The following ATM variants were observed in gnomAD, a reference collection of about 807,000 sequenced individuals.
ATM encodes ATM serine/threonine kinase.
Under a neutral mutation model 387.0 loss-of-function variants are expected in ATM, and 308 were observed. The observed-to-expected ratio is 0.80, with a 90% confidence interval of 0.73 to 0.87. The LOEUF is 0.87. Among genes scored for constraint, ATM ranks in the 40% least tolerant of loss-of-function variants. ATM has a pLI of 0.00. For missense variants in ATM, 3,312 were observed against 3,560.9 expected (o/e 0.93, Z 1.78); for synonymous variants, 1,156 against 1,187.3 (o/e 0.97, Z 0.54).
chr11:108,225,284 A>G (rs1012498035), intron 1 of ATM: 2 of 152,238 alleles, frequency 1.3e-5, no homozygotes, highest in Non-Finnish European at 2.9e-5. Context: ...AAATGATAAT[A>G]CTTGTCCACA....
At chr11:108,333,526 A>G (rs609655) in intron 53 of ATM, among the ~76,000 whole-genome samples, 51,153 of 152,116 alleles carry the variant, frequency 0.34, 9,625 homozygotes, top group East Asian at 0.55. Context: ...TAAGCAAACA[A>G]AAAGTATTGA....
chr11:108,328,275 C>A (rs1237282410), intron 48 of ATM, among the ~76,000 whole-genome samples: 2 of 152,086 alleles, frequency 1.3e-5, no homozygotes, highest in African/African-American at 4.8e-5. Context: ...GAGATGAAGT[C>A]TCTCTCTGTC....
chr11:108,361,109 C>A (rs2090691118), intron 61 of ATM, among the ~76,000 whole-genome samples: 1 of 133,988 alleles, frequency 7.5e-6, no homozygotes, highest in Admixed American at 8.1e-5. Context: ...TCTCAGGATA[C>A]AAAATCAATG....
chr11:108,341,160 ACC>A (rs1248728514), intron 56 of ATM, among the ~76,000 whole-genome samples: 2 of 151,864 alleles, frequency 1.3e-5, no homozygotes, highest in Admixed American at 6.6e-5. Context: ...AGTCATCTCC[ACC>A]TGACTTACCT....
intron 56 of ATM, among the ~76,000 whole-genome samples, chr11:108,340,937 G>A (rs1297980185): frequency 6.6e-6 from 1 of 152,076 alleles, no homozygotes; most frequent in African/African-American, 2.4e-5. Context: ...TTTTTATTGA[G>A]GTTTTTTTGG....
chr11:108,365,597 G>C lies in ATM; in HGVS notation c.*89G>C, dbSNP rs2091269819. 1 of 1,446,780 alleles carries C rather than the reference G, an allele frequency of 6.9e-7. No individual in the cohort carries two copies. The highest frequency in any genetic ancestry group is 1.3e-5 in the South Asian group (1 of 79,412). 89.6% of individuals were successfully genotyped at this position (1,446,780 alleles called of 1,614,324 possible). On this transcript the variant is annotated 3_prime_UTR_variant, in exon 63 of 63. Transcript: ENST00000675843. ...AACCTGCCAACATACTTTAAGTAGG[G>C]ATTAATATTTAAGTGAACTATTGTG...
In ATM at chr11:108,304,701, A is replaced by G. The variant is rs1060504268; in HGVS notation, c.5523A>G (p.Val1841=). ...CEVKTDFCQT[V]LPYLIHDILL... ...TGAAAACTGACTTTTGTCAGACTGT[A>G]CTTCCATACTTGATTCATGATATTT... is the stretch of plus-strand genomic sequence containing the variant. Residue 1841 remains valine, a synonymous_variant, in exon 37 of 63, where the codon GTA becomes GTG. Coordinates refer to ENST00000675843, the MANE Select transcript of ATM (RefSeq NM_000051.4). The G allele has an allele frequency of 6.2e-7, 1 of 1,613,974 alleles. No individual in the cohort carries two copies. The highest frequency in any genetic ancestry group is 8.5e-7 in the Non-Finnish European group (1 of 1,179,936).
At chr11:108,313,154 CCTT>C (rs2084320593) in intron 40 of ATM, among the ~76,000 whole-genome samples, 1 of 152,188 alleles carries the variant, frequency 6.6e-6, no homozygotes, top group Non-Finnish European at 1.5e-5. Flanking sequence ...AACAGTTTAT[CCTT>C]CTATTTGAGA....
rs201527367 is a variant in ATM at position 108,267,366 on chromosome 11, G to A, written c.2638+24G>A. 19 of 1,610,340 alleles carry A rather than the reference G, an allele frequency of 1.2e-5. No homozygotes were observed. The highest frequency in any genetic ancestry group is 2.2e-5 in the East Asian group (1 of 44,834). On this transcript the variant is annotated intron_variant, in intron 17 of 62. Coordinates refer to ENST00000675843, the MANE Select transcript of ATM (RefSeq NM_000051.4). ...AGGTAAATACATATTTACTACTTGG[G>A]ATTTCTTTTACTTCTTTATATTGAT... is the stretch of plus-strand genomic sequence containing the variant.
chr11:108,278,501 T>C (rs2135632055), intron 22 of ATM, among the ~76,000 whole-genome samples: 1 of 152,304 alleles, frequency 6.6e-6, no homozygotes, highest in East Asian at 1.9e-4. Flanking sequence ...TTAGATTTTG[T>C]CTTAGTCCCT....
chr11:108,322,923 G>C (rs1417429878), intron 45 of ATM, among the ~76,000 whole-genome samples: 1 of 151,570 alleles, frequency 6.6e-6, no homozygotes, highest in Non-Finnish European at 1.5e-5. Flanking sequence ...GGGCAGCCTT[G>C]AGTCTGGCAG....
intron 49 of ATM, 82 bp downstream of exon 49, chr11:108,329,320 C>T: frequency 8.0e-7 from 1 of 1,244,974 alleles, no homozygotes; most frequent in East Asian, 2.5e-5. Flanking sequence ...GTGACTTGGT[C>T]TTTTTATCTG....
chr11:108,334,927 G>A (rs2086662595), intron 54 of ATM, 42 bp from the exon 55 acceptor site: 1 of 1,583,232 alleles, frequency 6.3e-7, no homozygotes, highest in Non-Finnish European at 8.7e-7. Context: ...AGTGCAAATA[G>A]TGTATCTGAC....
At position 108,235,166 on chromosome 11, in the gene ATM, G is replaced by A. The variant is rs181769755; in HGVS notation, c.332-504G>A. On this transcript the variant is annotated intron_variant, in intron 4 of 62. Coordinates refer to ENST00000675843, the MANE Select transcript of ATM (RefSeq NM_000051.4). The stretch of plus-strand genomic sequence containing the variant: ...AGAAAAATTAGCAGGGTGTGGTGGT[G>A]CACGCCTCTAGTCTCAGCTACTTGG... Among the ~76,000 whole-genome samples, 570 of 152,028 alleles carry A rather than the reference G, an allele frequency of 3.7e-3. 15 individuals carry two copies. The highest frequency in any genetic ancestry group is 8.8e-4 in the Non-Finnish European group (60 of 67,988).
chr11:108,343,254 TGAATGGTGCACAG>T lies in ATM; in HGVS notation c.8305_8317del (p.Trp2769LeufsTer33), dbSNP rs786202318. The T allele has an allele frequency of 2.5e-6, 4 of 1,614,052 alleles. No homozygotes were observed. Among genetic ancestry groups the T allele is most frequent in the Non-Finnish European group, 3.4e-6 (4 of 1,179,938 alleles). ...CCCTCTCTCAGCGAAGTGGTGTTCT[TGAATGGTGCACAG>T]GAACTGTCCCCATTGGTGAATTTCT... is the stretch of plus-strand genomic sequence containing the variant. On this transcript the variant is annotated frameshift_variant, in exon 57 of 63. Transcript: ENST00000675843. LOFTEE classifies it high-confidence loss of function.
rs775036118 is a variant in ATM at position 108,307,914 on chromosome 11, C to T, written c.5692C>T (p.Arg1898Ter). The T allele has an allele frequency of 3.7e-6, 6 of 1,613,522 alleles. No homozygotes were observed. The highest frequency in any genetic ancestry group is 1.3e-5 in the African/African-American group (1 of 74,980). The change falls in exon 38 of 63, where the codon CGA becomes TGA. Residue 1898 changes from arginine (R) to a stop codon, truncating the protein, a stop_gained. Transcript: ENST00000675843. LOFTEE classifies it high-confidence loss of function. ...TTTGTCAGAGTCAGAGCACTTTTTCCGATGCTGTTTGGATAAAAAATCACA... is the reference window on the plus strand; with the variant it reads ...TTTGTCAGAGTCAGAGCACTTTTTCTGATGCTGTTTGGATAAAAAATCACA... ...NLDSESEHFF[R>*]CCLDKKSQRT...
intron 4 of ATM, 167 bp downstream of exon 4, chr11:108,229,490 A>T (rs970576352): frequency 1.7e-5 from 12 of 709,688 alleles, no homozygotes; most frequent in Non-Finnish European, 2.7e-5. Context: ...TATTTTTATT[A>T]AAAGGTTTTT....
intron 61 of ATM, among the ~76,000 whole-genome samples, chr11:108,363,713 C>T (rs1448222578): frequency 1.3e-5 from 2 of 152,240 alleles, no homozygotes; most frequent in African/African-American, 4.8e-5. Context: ...TATTCCTTTA[C>T]TGTTTCCAAC....
At chr11:108,294,510 C>T (rs1238879637) in intron 31 of ATM, among the ~76,000 whole-genome samples, 4 of 152,142 alleles carry the variant, frequency 2.6e-5, no homozygotes, top group Admixed American at 6.5e-5. Context: ...AAGGCTAAGG[C>T]GGGCAGATCA....
Sources: allele counts gnomAD v4.1 joint callset (sites outside exome capture counted in the v4.1 genomes callset), GRCh38; gene constraint gnomAD v4.1.1; transcripts MANE v1.5; gene names NCBI Gene and HGNC (gene_info 2026-07-23, HGNC 2026-07-21).